Variants in SUGCT observed in about 807,000 individuals in gnomAD.
SUGCT encodes succinyl-CoA:glutarate CoA-transferase.
A neutral mutation model predicts 55.0 loss-of-function variants in SUGCT; 41 were observed. That is an observed-to-expected ratio of 0.74 (90% CI 0.58 to 0.97). The LOEUF is 0.97. Ranked by LOEUF, SUGCT falls within the 50% of genes least tolerant of loss-of-function variation. The pLI, the probability that SUGCT is intolerant of heterozygous loss-of-function variation, is 0.00. For missense variants in SUGCT, 568 were observed against 547.8 expected, an observed-to-expected ratio of 1.04 and a Z score of -0.37; for synonymous variants, 187 against 200.4, an observed-to-expected ratio of 0.93 and a Z score of 0.56.
intron 7 of SUGCT, among the ~76,000 whole-genome samples, chr7:40,242,920 TA>T (rs1562604935): frequency 1.3e-3 from 37 of 27,690 alleles, no homozygotes; most frequent in Non-Finnish European, 2.6e-3. Context: ...TATATATATA[TA>T]TATATATATA....
intron 7 of SUGCT, among the ~76,000 whole-genome samples, chr7:40,253,662 T>G (rs2150940751): frequency 6.6e-6 from 1 of 152,248 alleles, no homozygotes; most frequent in Non-Finnish European, 1.5e-5. Flanking sequence ...TCCCGGTGGC[T>G]GGACAGAGCC....
In SUGCT at chr7:40,808,762, T is replaced by C. The variant is rs1791242749; in HGVS notation, c.1154-51554T>C. 2.6e-5 allele frequency among the ~76,000 whole-genome samples: 4 copies of C among 152,350 alleles called. No individual in the cohort carries two copies. The South Asian group carries it at 6.2e-4, about 24-fold the overall frequency. The stretch of plus-strand genomic sequence containing the variant: ...TTCCTTCCCATGAATGTAATTGTTG[T>C]CTCTTGGAGATTTTATGAGAAACAG... On this transcript the variant is annotated intron_variant, in intron 13 of 13. Coordinates refer to ENST00000335693, the MANE Select transcript of SUGCT (RefSeq NM_001193313.2).
Position 40,140,138 on chromosome 7 carries a change from A to G in SUGCT, c.100+5018A>G, listed in dbSNP as rs1458610108. On this transcript the variant is annotated intron_variant, in intron 1 of 13. Transcript: ENST00000335693. Reference sequence around the variant, plus strand: ...AGGCTGGCCTCAAACTCTCGACCTCAGTTGATCCGCCCGCCTAGGCCTCCC... The same window carrying G: ...AGGCTGGCCTCAAACTCTCGACCTCGGTTGATCCGCCCGCCTAGGCCTCCC... Among the ~76,000 whole-genome samples the G allele has an allele frequency of 3.3e-5, 5 of 152,190 alleles. No individual in the cohort carries two copies. In the East Asian group the frequency reaches 9.7e-4, roughly 29 times the overall value.
intron 13 of SUGCT, among the ~76,000 whole-genome samples, chr7:40,780,772 C>G (rs1271285098): frequency 8.1e-6 from 1 of 122,944 alleles, no homozygotes; most frequent in Non-Finnish European, 1.8e-5. Flanking sequence ...TCTTCTTCTT[C>G]TTCTTTTTTT....
At chr7:40,433,249 A>G (rs1251313914) in intron 9 of SUGCT, among the ~76,000 whole-genome samples, 2 of 150,184 alleles carry the variant, frequency 1.3e-5, no homozygotes, top group Non-Finnish European at 3.0e-5. Context: ...ATTTTGAATT[A>G]TTTGTCAGGT....
Position 40,194,274 on chromosome 7 carries a change from T to C in SUGCT, c.364-666T>C, listed in dbSNP as rs1786112094. The stretch of plus-strand genomic sequence containing the variant: ...GTAGTAGAGATATTGTGTTTAGGTC[T>C]GTTTTTGGAGACAAGGTCTAACAGT... On this transcript the variant is annotated intron_variant, in intron 5 of 13. Coordinates refer to ENST00000335693, the MANE Select transcript of SUGCT (RefSeq NM_001193313.2). Among the ~76,000 whole-genome samples, 4 of 152,338 alleles carry C rather than the reference T, an allele frequency of 2.6e-5. No individual in the cohort carries two copies. The South Asian group carries it at 8.3e-4, about 32-fold the overall frequency.
At chr7:40,329,990 A>G (rs537811404) in intron 9 of SUGCT, among the ~76,000 whole-genome samples, 1 of 152,268 alleles carries the variant, frequency 6.6e-6, no homozygotes, top group South Asian at 2.1e-4. Flanking sequence ...TCCCTGTTGC[A>G]TGGGTTAGTC....
chr7:40,894,633 T>G, the SUGCT span, among the ~76,000 whole-genome samples: 1 of 152,050 alleles, frequency 6.6e-6, no homozygotes, highest in Non-Finnish European at 1.5e-5. Context: ...AACAACCTCA[T>G]TAAAAAGTGG....
At chr7:40,829,513 G>A (rs1792543778) in intron 13 of SUGCT, among the ~76,000 whole-genome samples, 1 of 152,078 alleles carries the variant, frequency 6.6e-6, no homozygotes, top group African/African-American at 2.4e-5. Context: ...TGGAGTGTCA[G>A]TTATTTTATT....
the SUGCT span, among the ~76,000 whole-genome samples, chr7:40,906,306 A>G: frequency 6.6e-6 from 1 of 152,164 alleles, no homozygotes; most frequent in Admixed American, 6.5e-5. Flanking sequence ...CCACAGAACT[A>G]TTCAAGGAGA....
At chr7:40,262,535 G>A (rs1275645085) in intron 7 of SUGCT, among the ~76,000 whole-genome samples, 1 of 151,694 alleles carries the variant, frequency 6.6e-6, no homozygotes, top group East Asian at 1.9e-4. Flanking sequence ...CGTGGTAGTG[G>A]GCCCTTGTAG....
chr7:40,566,836 C>A (rs1796183396), intron 12 of SUGCT, among the ~76,000 whole-genome samples: 1 of 152,062 alleles, frequency 6.6e-6, no homozygotes. Flanking sequence ...ATATTTATAT[C>A]TATAGTTTAT....
At chr7:40,445,245 C>T (rs978827192) in intron 9 of SUGCT, among the ~76,000 whole-genome samples, 25 of 151,734 alleles carry the variant, frequency 1.6e-4, no homozygotes, top group South Asian at 4.2e-4. Context: ...ATAGATAGAC[C>T]GCTAGCAAGA....
intron 7 of SUGCT, among the ~76,000 whole-genome samples, chr7:40,273,023 T>C (rs1055098384): frequency 2.6e-5 from 4 of 152,174 alleles, no homozygotes; most frequent in Non-Finnish European, 5.9e-5. Context: ...TTCAGAACTT[T>C]GTTGTTCAAG....
intron 10 of SUGCT, among the ~76,000 whole-genome samples, chr7:40,454,127 G>A (rs1250317747): frequency 6.6e-6 from 1 of 152,118 alleles, no homozygotes; most frequent in Non-Finnish European, 1.5e-5. Flanking sequence ...ACAAAAGATA[G>A]CTCCTTCCTA....
At chr7:40,416,767 A>T (rs1171975519) in intron 9 of SUGCT, among the ~76,000 whole-genome samples, 2 of 152,016 alleles carry the variant, frequency 1.3e-5, no homozygotes, top group Non-Finnish European at 2.9e-5. Context: ...GCTAGTTTAA[A>T]ATTTAAAAAA....
At chr7:40,510,938 A>T (rs1266445835) in intron 12 of SUGCT, among the ~76,000 whole-genome samples, 4 of 152,148 alleles carry the variant, frequency 2.6e-5, no homozygotes, top group African/African-American at 9.7e-5. Context: ...CAATATACAG[A>T]TTCCAGAGCT....
intron 6 of SUGCT, among the ~76,000 whole-genome samples, chr7:40,226,188 C>CT (rs1381724959): frequency 6.6e-6 from 1 of 152,104 alleles, no homozygotes; most frequent in Non-Finnish European, 1.5e-5. Flanking sequence ...AGGAAAGTAA[C>CT]TATCTGTAGG....
the SUGCT span, among the ~76,000 whole-genome samples, chr7:40,995,456 T>TTTGTTCAA: frequency 6.6e-6 from 1 of 151,688 alleles, no homozygotes; most frequent in Non-Finnish European, 1.5e-5. Context: ...ATGACATTGA[T>TTTGTTCAA]TGCTTTGTTT....
Sources: allele counts gnomAD v4.1 joint callset (sites outside exome capture counted in the v4.1 genomes callset), GRCh38; gene constraint gnomAD v4.1.1; transcripts MANE v1.5; gene names NCBI Gene and HGNC (gene_info 2026-07-23, HGNC 2026-07-21).